The following MNAT1 variants were observed in gnomAD, a reference collection of about 807,000 sequenced individuals.
MNAT1 encodes CDK-activating kinase assembly factor MAT1.
In MNAT1, 43 loss-of-function variants were observed where a neutral mutation model predicts 42.0. The ratio of observed to expected loss-of-function variants is 1.02; its 90% CI spans 0.80 to 1.32. The LOEUF (loss-of-function observed/expected upper bound fraction) is 1.32, where lower values mean the gene tolerates loss of function less well. Among genes scored for constraint, MNAT1 ranks in the 40% most tolerant of loss-of-function variants. The pLI, the probability that MNAT1 is intolerant of heterozygous loss-of-function variation, is 0.00. For synonymous variants in MNAT1, 118 were observed against 120.0 expected (o/e 0.98, Z 0.11); for missense variants, 306 against 350.4 (o/e 0.87, Z 1.01).
intron 6 of MNAT1, among the ~76,000 whole-genome samples, chr14:60,865,780 C>A (rs1337944435): frequency 6.6e-6 from 1 of 152,060 alleles, no homozygotes; most frequent in Non-Finnish European, 1.5e-5. Flanking sequence ...GGCATATTTC[C>A]CTATTTTCAT....
At chr14:60,828,632 G>C (rs191487000) in intron 6 of MNAT1, among the ~76,000 whole-genome samples, 63 of 151,360 alleles carry the variant, frequency 4.2e-4, no homozygotes, top group African/African-American at 1.4e-3. Context: ...ACCCAATTCT[G>C]ACACTAACCG....
At chr14:60,814,633 A>G (rs2032655907) in intron 5 of MNAT1, among the ~76,000 whole-genome samples, 1 of 152,200 alleles carries the variant, frequency 6.6e-6, no homozygotes, top group East Asian at 1.9e-4. Flanking sequence ...CCAGGAGTAA[A>G]AAAAGAGAAA....
intron 6 of MNAT1, among the ~76,000 whole-genome samples, chr14:60,856,710 C>G (rs2033967334): frequency 6.9e-6 from 1 of 145,860 alleles, no homozygotes; most frequent in Non-Finnish European, 1.5e-5. Flanking sequence ...GAGATGGAGT[C>G]TCACTCTGTC....
At chr14:60,748,946 G>A (rs2029952529) in intron 1 of MNAT1, among the ~76,000 whole-genome samples, 1 of 152,178 alleles carries the variant, frequency 6.6e-6, no homozygotes, top group African/African-American at 2.4e-5. Context: ...GGTACAGTAG[G>A]TTTGTTTACC....
chr14:60,791,958 G>T (rs1338843329), intron 1 of MNAT1, among the ~76,000 whole-genome samples: 1 of 152,040 alleles, frequency 6.6e-6, no homozygotes, highest in East Asian at 1.9e-4. Flanking sequence ...AATAAGAAAA[G>T]AAAATGTCTA....
chr14:60,857,552 A>G (rs2033991248), intron 6 of MNAT1, among the ~76,000 whole-genome samples: 1 of 152,102 alleles, frequency 6.6e-6, no homozygotes, highest in African/African-American at 2.4e-5. Flanking sequence ...TATTATATAA[A>G]CTTAGTTGAT....
intron 7 of MNAT1, among the ~76,000 whole-genome samples, chr14:60,913,701 G>T (rs2035442179): frequency 6.6e-6 from 1 of 152,164 alleles, no homozygotes; most frequent in Non-Finnish European, 1.5e-5. Context: ...TTGTCTCAGA[G>T]GAGTACCCAG....
intron 3 of MNAT1, among the ~76,000 whole-genome samples, chr14:60,799,722 A>C (rs1428472401): frequency 1.3e-5 from 2 of 151,666 alleles, no homozygotes; most frequent in Admixed American, 6.6e-5. Context: ...ATATACACAC[A>C]CACACTGCAT....
At chr14:60,915,139 C>T (rs1566554843) in intron 7 of MNAT1, among the ~76,000 whole-genome samples, 1 of 152,152 alleles carries the variant, frequency 6.6e-6, no homozygotes, top group Non-Finnish European at 1.5e-5. Flanking sequence ...TTTTTTTACT[C>T]TGCCCAGCTT....
intron 6 of MNAT1, among the ~76,000 whole-genome samples, chr14:60,871,645 A>G (rs974790728): frequency 1.3e-5 from 2 of 151,016 alleles, no homozygotes; most frequent in African/African-American, 4.9e-5. Flanking sequence ...TTTTTGACAC[A>G]GAGTTTCACT....
intron 1 of MNAT1, among the ~76,000 whole-genome samples, chr14:60,764,619 G>T (rs1394766790): frequency 6.6e-6 from 1 of 152,220 alleles, no homozygotes; most frequent in African/African-American, 2.4e-5. Context: ...TTCTGTGGCT[G>T]TGAGGGTAAG....
At chr14:60,917,078 G>T (rs1024996252) in intron 7 of MNAT1, among the ~76,000 whole-genome samples, 1 of 152,166 alleles carries the variant, frequency 6.6e-6, no homozygotes, top group Non-Finnish European at 1.5e-5. Context: ...GTTAATTATG[G>T]TAAGAAAAGT....
At chr14:60,776,770 C>T (rs1405210297) in intron 1 of MNAT1, among the ~76,000 whole-genome samples, 2 of 151,958 alleles carry the variant, frequency 1.3e-5, no homozygotes, top group Admixed American at 1.3e-4. Context: ...GTGATCATGG[C>T]AGGAAAAAGG....
chr14:60,959,587 G>A (rs1287129239), intron 7 of MNAT1, among the ~76,000 whole-genome samples: 1 of 152,180 alleles, frequency 6.6e-6, no homozygotes, highest in East Asian at 1.9e-4. Context: ...GGAATGGGAT[G>A]ATAAAGGCAG....
intron 6 of MNAT1, among the ~76,000 whole-genome samples, chr14:60,877,348 A>T (rs546353021): frequency 1.3e-5 from 2 of 152,228 alleles, no homozygotes; most frequent in African/African-American, 4.8e-5. Context: ...ACTAGCTAGG[A>T]TGATGCTACA....
rs1409191950 is a variant in MNAT1 at position 60,740,267 on chromosome 14, A to C, written c.89+5316A>C. ...ACGAGACGCAAAGTACAAGATAAGCAAAATCAAGTACCTACCATCTTGATA... is the reference window on the plus strand; with the variant it reads ...ACGAGACGCAAAGTACAAGATAAGCCAAATCAAGTACCTACCATCTTGATA... On this transcript the variant is annotated intron_variant, in intron 1 of 7. Transcript: ENST00000261245. The surrounding 1 kb of genome is among the most constrained non-coding windows in gnomAD (Gnocchi z 4.1). 1.3e-5 allele frequency among the ~76,000 whole-genome samples: 2 copies of C among 152,264 alleles called. No homozygotes were observed. Among genetic ancestry groups the C allele is most frequent in the African/African-American group, 4.8e-5 (2 of 41,472 alleles).
intron 7 of MNAT1, among the ~76,000 whole-genome samples, chr14:60,899,099 A>G (rs1053234801): frequency 1.3e-5 from 2 of 152,112 alleles, no homozygotes; most frequent in East Asian, 1.9e-4. Flanking sequence ...GTTCTCTATT[A>G]TGTTCCACTG....
At chr14:60,758,999 CCCA>C (rs2030483907) in intron 1 of MNAT1, among the ~76,000 whole-genome samples, 1 of 152,072 alleles carries the variant, frequency 6.6e-6, no homozygotes, top group African/African-American at 2.4e-5. Flanking sequence ...ACACACAGAC[CCCA>C]CATCATCCTG....
At chr14:60,951,568 T>C (rs1448332410) in intron 7 of MNAT1, among the ~76,000 whole-genome samples, 1 of 152,162 alleles carries the variant, frequency 6.6e-6, no homozygotes, top group Non-Finnish European at 1.5e-5. Flanking sequence ...TGTTTGATTC[T>C]TTCAAAAAAG....
Sources: allele counts gnomAD v4.1 joint callset (sites outside exome capture counted in the v4.1 genomes callset), GRCh38; gene constraint gnomAD v4.1.1; non-coding constraint Gnocchi (gnomAD v3.1); transcripts MANE v1.5; gene names NCBI Gene and HGNC (gene_info 2026-07-23, HGNC 2026-07-21).